The following ARMH3 variants were observed in gnomAD, a reference collection of about 807,000 sequenced individuals.
ARMH3 encodes armadillo like helical domain containing 3.
A neutral mutation model predicts 99.1 loss-of-function variants in ARMH3; 60 were observed. The ratio of observed to expected loss-of-function variants is 0.61; its 90% CI spans 0.49 to 0.75. The LOEUF is 0.75. ARMH3 is among the 30% of genes least tolerant of loss of function. The pLI, the probability that ARMH3 is intolerant of heterozygous loss-of-function variation, is 0.00. For synonymous variants in ARMH3, 285 were observed against 292.8 expected, an observed-to-expected ratio of 0.97 and a Z score of 0.27; for missense variants, 679 against 843.1, an observed-to-expected ratio of 0.81 and a Z score of 2.41.
In ARMH3 at chr10:101,849,808, G is replaced by T. The variant is rs556505598; in HGVS notation, c.1945C>A (p.Gln649Lys). The change falls in exon 25 of 26, where the codon CAG (glutamine) becomes AAG (lysine). Residue 649 changes from glutamine to lysine, a missense_variant. By Grantham distance (53) the Gln-to-Lys change is moderately conservative. Coordinates refer to ENST00000370033, the MANE Select transcript of ARMH3 (RefSeq NM_024541.3). The part of the protein sequence containing the change: ...GLDQYERYSE[Q>K]HKEAAFFKEL... Reference sequence around the variant, plus strand: ...TTGAAGAAGGCAGCTTCCTTGTGCTGCTCTGAGTAGCGCTCATACTGGTCC... The same window carrying T: ...TTGAAGAAGGCAGCTTCCTTGTGCTTCTCTGAGTAGCGCTCATACTGGTCC... 3 of 1,614,174 alleles carry T rather than the reference G, an allele frequency of 1.9e-6. No homozygotes were observed. The highest frequency in any genetic ancestry group is 2.5e-6 in the Non-Finnish European group (3 of 1,180,014).
chr10:101,993,666 A>G lies in ARMH3; in HGVS notation c.1210-63T>C, dbSNP rs192262980. Reference sequence around the variant, plus strand: ...TATATTTAAGAAACTGTAATCTATCACACTTCGTACAAATCCTTGGACTTT... The same window carrying G: ...TATATTTAAGAAACTGTAATCTATCGCACTTCGTACAAATCCTTGGACTTT... On this transcript the variant is annotated intron_variant, in intron 16 of 25. Transcript: ENST00000370033. 2.7e-5 allele frequency: 30 copies of G among 1,107,502 alleles called. No homozygotes were observed. In the African/African-American group the frequency reaches 3.7e-4, roughly 13 times the overall value. The allele number at this position is 1,107,502 out of a possible 1,614,324, so 68.6% of individuals were successfully genotyped here. A position where few individuals can be genotyped will look rare whatever the true frequency, so the allele number is the denominator to read the frequency against.
In ARMH3 at chr10:102,031,064, G is replaced by A. The variant is rs371704557; in HGVS notation, c.307-1319C>T. On this transcript the variant is annotated intron_variant, in intron 4 of 25. Coordinates refer to ENST00000370033, the MANE Select transcript of ARMH3 (RefSeq NM_024541.3). Reference sequence around the variant, plus strand: ...CTCCCAAAGTGTTGGGATTACAGGCGTGAGCCACCACGCCTGGCCAACAGT... The same window carrying A: ...CTCCCAAAGTGTTGGGATTACAGGCATGAGCCACCACGCCTGGCCAACAGT... 8.5e-5 allele frequency among the ~76,000 whole-genome samples: 13 copies of A among 152,100 alleles called. No individual in the cohort carries two copies. The South Asian group carries it at 2.1e-3, about 24-fold the overall frequency.
chr10:102,035,866 T>A (rs1047553708), intron 2 of ARMH3, among the ~76,000 whole-genome samples: 18 of 148,328 alleles, frequency 1.2e-4, no homozygotes, highest in Non-Finnish European at 2.2e-4. Context: ...TGGCCGCCCA[T>A]CCTCTGGGAT....
At chr10:101,852,115 A>G (rs2066617590) in intron 24 of ARMH3, among the ~76,000 whole-genome samples, 1 of 152,354 alleles carries the variant, frequency 6.6e-6, no homozygotes, top group South Asian at 2.1e-4. Flanking sequence ...GGGGAGCCTC[A>G]GCAATGCTTA....
chr10:102,026,923 C>T (rs1293309066), intron 5 of ARMH3, among the ~76,000 whole-genome samples: 1 of 152,154 alleles, frequency 6.6e-6, no homozygotes, highest in Non-Finnish European at 1.5e-5. Context: ...TCTTATTTGC[C>T]TCTTGTATCC....
intron 1 of ARMH3, among the ~76,000 whole-genome samples, chr10:102,046,889 T>C (rs1019292362): frequency 6.6e-6 from 1 of 152,202 alleles, no homozygotes; most frequent in Non-Finnish European, 1.5e-5. Context: ...TGGGCTTTAA[T>C]GAACAAACTG....
At chr10:101,966,043 T>C (rs1420452087) in intron 20 of ARMH3, among the ~76,000 whole-genome samples, 1 of 151,832 alleles carries the variant, frequency 6.6e-6, no homozygotes, top group African/African-American at 2.4e-5. Flanking sequence ...GTTCCCTAAG[T>C]CCCACGTGAA....
At chr10:101,877,359 T>C (rs1403568945) in intron 24 of ARMH3, among the ~76,000 whole-genome samples, 1 of 151,992 alleles carries the variant, frequency 6.6e-6, no homozygotes, top group Non-Finnish European at 1.5e-5. Context: ...TGAAATCCTG[T>C]CTCAAAAAAA....
chr10:102,006,708 A>T (rs2066497698), intron 13 of ARMH3, 75 bp from the exon 14 acceptor site: 2 of 1,355,272 alleles, frequency 1.5e-6, no homozygotes, highest in Non-Finnish European at 2.1e-6. Context: ...TAATACCAAT[A>T]AGGACTGGTA....
At chr10:102,050,893 C>A (rs984331874) in intron 1 of ARMH3, among the ~76,000 whole-genome samples, 32 of 150,404 alleles carry the variant, frequency 2.1e-4, no homozygotes, top group African/African-American at 7.8e-4. Flanking sequence ...CATGGTGGCT[C>A]ACGCCTGTAA....
intron 22 of ARMH3, among the ~76,000 whole-genome samples, chr10:101,949,518 C>T (rs961545495): frequency 2.6e-5 from 4 of 152,164 alleles, no homozygotes; most frequent in Middle Eastern, 3.4e-3. Flanking sequence ...TTCCAAAGGT[C>T]ACTGCTAAAT....
intron 24 of ARMH3, among the ~76,000 whole-genome samples, chr10:101,868,383 G>T (rs1022021312): frequency 2.0e-5 from 3 of 152,156 alleles, no homozygotes; most frequent in African/African-American, 4.8e-5. Flanking sequence ...GCAAATCGTG[G>T]AAAAAGACTG....
At chr10:102,018,616 G>C (rs2066804776) in intron 8 of ARMH3, among the ~76,000 whole-genome samples, 1 of 152,114 alleles carries the variant, frequency 6.6e-6, no homozygotes, top group Admixed American at 6.5e-5. Flanking sequence ...TGGTGATAAT[G>C]GTGTAAAGAA....
intron 23 of ARMH3, among the ~76,000 whole-genome samples, chr10:101,896,008 G>A (rs1008032309): frequency 7.9e-5 from 12 of 152,146 alleles, no homozygotes; most frequent in African/African-American, 2.9e-4. Flanking sequence ...ACTCATGCCT[G>A]CAATCCCAGG....
chr10:102,021,753 A>T (rs1474857205), intron 8 of ARMH3, among the ~76,000 whole-genome samples: 4 of 151,790 alleles, frequency 2.6e-5, no homozygotes, highest in Non-Finnish European at 4.4e-5. Context: ...TCACTGTGTT[A>T]GCCAGGATGG....
At chr10:101,933,961 A>T (rs1172775003) in intron 23 of ARMH3, among the ~76,000 whole-genome samples, 1 of 152,230 alleles carries the variant, frequency 6.6e-6, no homozygotes, top group Non-Finnish European at 1.5e-5. Context: ...CATTTTGTTA[A>T]GTGAATTATA....
intron 2 of ARMH3, 97 bp from the exon 3 acceptor site, chr10:102,033,436 T>G (rs1466611568): frequency 2.7e-5 from 36 of 1,310,756 alleles, no homozygotes; most frequent in Non-Finnish European, 3.7e-5. Flanking sequence ...TTTTTTTTTT[T>G]TGAGATGGAA....
intron 15 of ARMH3, among the ~76,000 whole-genome samples, chr10:101,997,460 C>T (rs1564834312): frequency 2.0e-5 from 3 of 151,896 alleles, no homozygotes; most frequent in Admixed American, 1.3e-4. Flanking sequence ...GGCATGGTGG[C>T]GCAAGCCTGT....
chr10:101,890,908 T>C (rs1260038399), intron 23 of ARMH3, among the ~76,000 whole-genome samples: 1 of 149,960 alleles, frequency 6.7e-6, no homozygotes, highest in East Asian at 2.0e-4. Context: ...AGGGTCTCAC[T>C]TTGTCATCCA....
Sources: gnomAD v4.1 joint callset for allele counts (sites outside exome capture counted in the v4.1 genomes callset) on GRCh38, gnomAD v4.1.1 for gene constraint, MANE v1.5 for transcripts, NCBI Gene and HGNC (gene_info 2026-07-23, HGNC 2026-07-21) for gene names.